Variants in RFTN1 observed in about 807,000 individuals in gnomAD.
The protein encoded by RFTN1 is raftlin.
In RFTN1, 26 loss-of-function variants were observed where a neutral mutation model predicts 46.5. The ratio of observed to expected loss-of-function variants is 0.56; its 90% confidence interval spans 0.41 to 0.78. The LOEUF is 0.78. RFTN1 is among the 30% of genes least tolerant of loss of function. RFTN1 has a pLI of 0.00. For synonymous variants in RFTN1, 261 were observed against 284.2 expected (o/e 0.92, Z 0.82); for missense variants, 693 against 718.7 (o/e 0.96, Z 0.41).
rs1271485458 is a variant in RFTN1 at position 16,336,682 on chromosome 3, G to T, written c.1147-9806C>A. ...AGAATAATTTTTTTTTTTTAAAAAA[G>T]CTTAGTTCTTAGATGCAGAAAAGGG... is the stretch of plus-strand genomic sequence containing the variant. On this transcript the variant is annotated intron_variant, in intron 7 of 9. Transcript: ENST00000334133. This position sits in a 1 kb window ranked among gnomAD's most constrained non-coding sequence, Gnocchi z 6.0. Among the ~76,000 whole-genome samples the T allele has an allele frequency of 6.6e-6, 1 of 151,548 alleles. No homozygotes were observed. The highest frequency in any genetic ancestry group is 1.5e-5 in the Non-Finnish European group (1 of 67,900).
chr3:16,364,779 TATGA>T (rs759533965), intron 6 of RFTN1, among the ~76,000 whole-genome samples: 10 of 152,164 alleles, frequency 6.6e-5, no homozygotes, highest in Non-Finnish European at 1.0e-4. Flanking sequence ...CATGTAAAAA[TATGA>T]ATGAATCCCA....
At chr3:16,456,916 T>C (rs2075917343) in intron 2 of RFTN1, among the ~76,000 whole-genome samples, 1 of 152,200 alleles carries the variant, frequency 6.6e-6, no homozygotes, top group Non-Finnish European at 1.5e-5. Context: ...GACATAGAAA[T>C]GTGTTAGAGT....
At chr3:16,490,673 T>C (rs2124987419) in intron 2 of RFTN1, among the ~76,000 whole-genome samples, 1 of 152,312 alleles carries the variant, frequency 6.6e-6, no homozygotes, top group South Asian at 2.1e-4. Flanking sequence ...TAGTCAGAAA[T>C]GTGTACAAAG....
rs1339001273 is a variant in RFTN1, at chr3:16,335,664, A to G, written c.1147-8788T>C. On this transcript the variant is annotated intron_variant, in intron 7 of 9. Coordinates refer to ENST00000334133, the MANE Select transcript of RFTN1 (RefSeq NM_015150.2). The surrounding 1 kb of genome is among the most constrained non-coding windows in gnomAD (Gnocchi z 4.7). ...GGGAGAGCATCAGGAAAAATAGCTA[A>G]TGGATGCTGGGCTTCATACCTAGGT... Among the ~76,000 whole-genome samples the G allele has an allele frequency of 2.6e-5, 4 of 152,026 alleles. No homozygotes were observed. The highest frequency in any genetic ancestry group is 9.7e-5 in the African/African-American group (4 of 41,366).
At position 16,384,953 on chromosome 3, in the gene RFTN1, T is replaced by A. The variant is rs2074116850; in HGVS notation, c.442-6851A>T. Among the ~76,000 whole-genome samples, 1 of 150,732 alleles carries A rather than the reference T, an allele frequency of 6.6e-6. No homozygotes were observed. The highest frequency in any genetic ancestry group is 1.5e-5 in the Non-Finnish European group (1 of 67,664). ...TCACATAAAATACTGAATAATAGAG[T>A]TTTTGACAGTGATTTCTGAGGCATA... On this transcript the variant is annotated intron_variant, in intron 4 of 9. Transcript: ENST00000334133. This position sits in a 1 kb window ranked among gnomAD's most constrained non-coding sequence, Gnocchi z 4.7.
intron 2 of RFTN1, among the ~76,000 whole-genome samples, chr3:16,471,343 G>A (rs547615056): frequency 4.6e-5 from 7 of 152,116 alleles, no homozygotes; most frequent in Non-Finnish European, 1.0e-4. Flanking sequence ...AGACAACCTG[G>A]GCTCAAATCT....
intron 4 of RFTN1, among the ~76,000 whole-genome samples, chr3:16,379,647 A>T (rs2073913005): frequency 6.6e-6 from 1 of 152,204 alleles, no homozygotes; most frequent in South Asian, 2.1e-4. Flanking sequence ...GTCTATGGGC[A>T]TGTATGTGTC....
chr3:16,319,974 G>T (rs1375741633), intron 9 of RFTN1, among the ~76,000 whole-genome samples: 1 of 152,220 alleles, frequency 6.6e-6, no homozygotes. Context: ...TGAGTTGGGG[G>T]CCTTCCCAAG....
chr3:16,503,651 C>T (rs925276925), intron 1 of RFTN1, among the ~76,000 whole-genome samples: 2 of 152,142 alleles, frequency 1.3e-5, no homozygotes, highest in Non-Finnish European at 2.9e-5. Context: ...AACCACAGTT[C>T]AGAGCTCAGC....
At position 16,460,960 on chromosome 3, in the gene RFTN1, T is replaced by C. The variant is rs2075999877; in HGVS notation, c.146-26923A>G. On this transcript the variant is annotated intron_variant, in intron 2 of 9. Transcript: ENST00000334133. This position sits in a 1 kb window ranked among gnomAD's most constrained non-coding sequence, Gnocchi z 4.8. ...GGTTTGGTCCCAATGTAAAATGAAGTCTCAGAACCCACGGCTCAGCCATTT... is the reference window on the plus strand; with the variant it reads ...GGTTTGGTCCCAATGTAAAATGAAGCCTCAGAACCCACGGCTCAGCCATTT... 6.6e-6 allele frequency among the ~76,000 whole-genome samples: 1 copy of C among 152,160 alleles called. No homozygotes were observed. The highest frequency in any genetic ancestry group is 1.5e-5 in the Non-Finnish European group (1 of 68,034).
At position 16,345,328 on chromosome 3, in the gene RFTN1, A is replaced by G. The variant is rs2071580188; in HGVS notation, c.1146+12604T>C. Reference sequence around the variant, plus strand: ...TAAAGCTGTTATAGAATTATCTCCCACTTTTTTATCTCAAACACATTGGGA... The same window carrying G: ...TAAAGCTGTTATAGAATTATCTCCCGCTTTTTTATCTCAAACACATTGGGA... On this transcript the variant is annotated intron_variant, in intron 7 of 9. Transcript: ENST00000334133. The surrounding 1 kb of genome is among the most constrained non-coding windows in gnomAD (Gnocchi z 5.2). 1 of 145,820 alleles carries G rather than the reference A, an allele frequency of 6.9e-6. No individual in the cohort carries two copies. Among genetic ancestry groups the G allele is most frequent in the African/African-American group, 2.7e-5 (1 of 36,724 alleles). The allele number at this position is 145,820 out of a possible 1,614,324, so 9.0% of individuals were successfully genotyped here. A position where few individuals can be genotyped will look rare whatever the true frequency, so the allele number is the denominator to read the frequency against.
At position 16,383,950 on chromosome 3, in the gene RFTN1, T is replaced by A. The variant is rs1440185098; in HGVS notation, c.442-5848A>T. ...GACTGAACTATGGTGACCAATTGTT[T>A]GGTAAAACTCTAGTCTAGATGTTGC... On this transcript the variant is annotated intron_variant, in intron 4 of 9. Transcript: ENST00000334133. This position sits in a 1 kb window ranked among gnomAD's most constrained non-coding sequence, Gnocchi z 4.0. 6.6e-6 allele frequency among the ~76,000 whole-genome samples: 1 copy of A among 152,234 alleles called. No individual in the cohort carries two copies. Among genetic ancestry groups the A allele is most frequent in the Admixed American group, 6.5e-5 (1 of 15,288 alleles).
At chr3:16,423,782 G>C (rs2125474554) in intron 3 of RFTN1, among the ~76,000 whole-genome samples, 1 of 152,302 alleles carries the variant, frequency 6.6e-6, no homozygotes, top group South Asian at 2.1e-4. Flanking sequence ...TAATTTTGGA[G>C]ACTTAAACTA....
rs2071008497 is a variant in RFTN1 at position 16,337,809 on chromosome 3, T to C, written c.1147-10933A>G. ...GAGAGAAATACAATGATATAGTTAC[T>C]GCTGAAGGGGAGTGTTCCTAATTTG... is the stretch of plus-strand genomic sequence containing the variant. On this transcript the variant is annotated intron_variant, in intron 7 of 9. Coordinates refer to ENST00000334133, the MANE Select transcript of RFTN1 (RefSeq NM_015150.2). This position sits in a 1 kb window ranked among gnomAD's most constrained non-coding sequence, Gnocchi z 5.0. 1.3e-5 allele frequency among the ~76,000 whole-genome samples: 2 copies of C among 151,898 alleles called. No homozygotes were observed. Among genetic ancestry groups the C allele is most frequent in the South Asian group, 4.2e-4 (2 of 4,818 alleles).
At chr3:16,505,580 G>A (rs1204592673) in intron 1 of RFTN1, among the ~76,000 whole-genome samples, 1 of 152,222 alleles carries the variant, frequency 6.6e-6, no homozygotes, top group African/African-American at 2.4e-5. Flanking sequence ...AGTTGATGTT[G>A]CAATCTTGAA....
In RFTN1 at chr3:16,401,317, G is replaced by A. The variant is rs569189890; in HGVS notation, c.441+8058C>T. Among the ~76,000 whole-genome samples the A allele has an allele frequency of 5.3e-3, 398 of 75,538 alleles. 1 individual carries two copies. The highest frequency in any genetic ancestry group is 5.9e-3 in the South Asian group (11 of 1,876). 49.6% of individuals were successfully genotyped at this position (75,538 alleles called of 152,430 possible). A position where few individuals can be genotyped will look rare whatever the true frequency, so the allele number is the denominator to read the frequency against. On this transcript the variant is annotated intron_variant, in intron 4 of 9. Transcript: ENST00000334133. ...CCAGCCTGGGCAACGGAATGAAGCC[G>A]TGTTAAAAAAAAAAAAAAAAAAGAC...
At position 16,342,415 on chromosome 3, in the gene RFTN1, C is replaced by G. The variant is rs2071377342; in HGVS notation, c.1146+15517G>C. Among the ~76,000 whole-genome samples, 1 of 151,920 alleles carries G rather than the reference C, an allele frequency of 6.6e-6. No homozygotes were observed. The highest frequency in any genetic ancestry group is 6.6e-5 in the Admixed American group (1 of 15,252). On this transcript the variant is annotated intron_variant, in intron 7 of 9. Coordinates refer to ENST00000334133, the MANE Select transcript of RFTN1 (RefSeq NM_015150.2). The surrounding 1 kb of genome is among the most constrained non-coding windows in gnomAD (Gnocchi z 4.0). The stretch of plus-strand genomic sequence containing the variant: ...ATAATATTCCATCATATGGATATAC[C>G]ATAGTTTATTCATCATTTGATGAAC...
rs2076226254 is a variant in RFTN1, at chr3:16,473,234, C to G, written c.145+20491G>C. On this transcript the variant is annotated intron_variant, in intron 2 of 9. Transcript: ENST00000334133. This position sits in a 1 kb window ranked among gnomAD's most constrained non-coding sequence, Gnocchi z 5.3. ...ACAGTATACCACCTCCACCCCAATA[C>G]TGGGCCAGACTCCATGATACCAGGT... Among the ~76,000 whole-genome samples, 5 of 152,152 alleles carry G rather than the reference C, an allele frequency of 3.3e-5. No homozygotes were observed. The highest frequency in any genetic ancestry group is 7.4e-5 in the Non-Finnish European group (5 of 68,018).
intron 2 of RFTN1, among the ~76,000 whole-genome samples, chr3:16,476,606 A>T (rs577581548): frequency 6.6e-6 from 1 of 152,128 alleles, no homozygotes; most frequent in Non-Finnish European, 1.5e-5. Context: ...GGGAGGGAAG[A>T]GTGAATGAAC....
Sources: gnomAD v4.1 joint callset for allele counts (sites outside exome capture counted in the v4.1 genomes callset) on GRCh38, gnomAD v4.1.1 for gene constraint, Gnocchi (gnomAD v3.1) non-coding constraint, MANE v1.5 for transcripts, NCBI Gene and HGNC (gene_info 2026-07-23, HGNC 2026-07-21) for gene names.